CYP2D6: variants seen among roughly 807,000 people sequenced by gnomAD.
The protein encoded by CYP2D6 is cytochrome P450 2D6.
In CYP2D6, 51 loss-of-function variants were observed where a neutral mutation model predicts 43.5. The observed-to-expected ratio is 1.17, with a 90% CI of 0.94 to 1.48. The LOEUF is 1.48. Among genes scored for constraint, CYP2D6 ranks in the 40% most tolerant of loss-of-function variants. CYP2D6 has a pLI of 0.00. For missense variants in CYP2D6, 698 were observed against 688.0 expected (o/e 1.01, Z -0.16); for synonymous variants, 346 against 297.1 (o/e 1.16, Z -1.69).
chr22:42,127,606 C>G lies in CYP2D6; in HGVS notation c.1014G>C (p.Val338=). The G allele has an allele frequency of 6.2e-7, 1 of 1,611,856 alleles. No individual in the cohort carries two copies. The highest frequency in any genetic ancestry group is 1.3e-5 in the African/African-American group (1 of 74,690). The change falls in exon 7 of 9, where the codon GTG becomes GTC. Residue 338 remains valine (V), a synonymous_variant. Transcript: ENST00000645361. ...TCTCTGGTCGCCGCACCTGCCCTAT[C>G]ACGTCGTCGATCTCCTGTTGGACAC... ...QRRVQQEIDD[V]IGQVRRPEMG...
rs749182114 is a variant in CYP2D6, at chr22:42,128,214, G to C, written c.803C>G (p.Pro268Arg). ...HRMTWDPAQP[P>R]RDLTEAFLAE... ...CAGGAAGGCCTCAGTCAGGTCTCGG[G>C]GGGGCTGGGCTGGGTCCCAGGTCAT... The change falls in exon 5 of 9, where the codon CCC (proline) becomes CGC (arginine). Residue 268 changes from proline (P) to arginine (R), a missense_variant. Coordinates refer to ENST00000645361, the MANE Select transcript of CYP2D6 (RefSeq NM_000106.6). 1.6e-5 allele frequency: 26 copies of C among 1,609,690 alleles called. No homozygotes were observed. The highest frequency in any genetic ancestry group is 3.3e-4 in the Middle Eastern group (2 of 6,076).
rs200269944 is a variant in CYP2D6, at chr22:42,129,793, G to A, written c.297C>T (p.Ala99=). 53 of 1,607,424 alleles carry A rather than the reference G, an allele frequency of 3.3e-5. 2 individuals carry two copies. Among genetic ancestry groups the A allele is most frequent in the South Asian group, 9.9e-5 (9 of 90,854 alleles). The change falls in exon 2 of 9, where the codon GCC becomes GCT. Residue 99 remains alanine, a synonymous_variant. Transcript: ENST00000645361. ...GGGTGATGGGCACAGGCGGGCGGTCGGCGGTGTCCTCGCCGTGGGTCACCA... is the reference window on the plus strand; with the variant it reads ...GGGTGATGGGCACAGGCGGGCGGTCAGCGGTGTCCTCGCCGTGGGTCACCA... ...EALVTHGEDT[A]DRPPVPITQI...
Position 42,128,202 on chromosome 22 carries a change from G to A in CYP2D6, c.815C>T (p.Thr272Ile), listed in dbSNP as rs534682262. The change falls in exon 5 of 9, where the codon ACT (threonine) becomes ATT (isoleucine). Residue 272 changes from threonine to isoleucine, a missense_variant. Around this residue, in one of 5 missense-constraint regions of CYP2D6, gnomAD observed 588 missense variants for 521.1 expected, o/e 1.13. Transcript: ENST00000645361. ...WDPAQPPRDL[T>I]EAFLAEMEKA... ...CTCCATCTCTGCCAGGAAGGCCTCA[G>A]TCAGGTCTCGGGGGGGCTGGGCTGG... 4 of 1,609,066 alleles carry A rather than the reference G, an allele frequency of 2.5e-6. No homozygotes were observed. Among genetic ancestry groups the A allele is most frequent in the Admixed American group, 1.7e-5 (1 of 59,628 alleles).
intron 7 of CYP2D6, among the ~76,000 whole-genome samples, chr22:42,127,232 G>A (rs919919160): frequency 6.6e-6 from 1 of 151,592 alleles, no homozygotes; most frequent in Non-Finnish European, 1.5e-5. Flanking sequence ...CATTCTGGCA[G>A]GTCCTGGTTT....
At chr22:42,128,138 A>C in intron 5 of CYP2D6, 36 bp downstream of exon 5, 1 of 1,584,918 alleles carries the variant, frequency 6.3e-7, no homozygotes, top group Non-Finnish European at 8.6e-7. Flanking sequence ...CGCTCAACCC[A>C]CCACCCTTGC....
chr22:42,126,597 C>A lies in CYP2D6; in HGVS notation c.1471G>T (p.Glu491Ter). The change falls in exon 9 of 9, where the codon GAG becomes TAG. Residue 491 changes from glutamate to a stop codon, truncating the protein, a stop_gained. Transcript: ENST00000645361. LOFTEE classifies it high-confidence loss of function. ...FAFLVSPSPY[E>*]LCAVPR ...TTCTAGCGGGGCACAGCACAAAGCT[C>A]ATAGGGGGATGGGCTCACCAGGAAA... 1 of 1,603,786 alleles carries A rather than the reference C, an allele frequency of 6.2e-7. No homozygotes were observed. The highest frequency in any genetic ancestry group is 1.1e-5 in the South Asian group (1 of 90,206).
At chr22:42,129,438 CT>C in intron 2 of CYP2D6, 1 of 753,552 alleles carries the variant, frequency 1.3e-6, no homozygotes, top group Non-Finnish European at 2.3e-6. Flanking sequence ...CCACACTGAG[CT>C]TACAGCACAG....
At chr22:42,130,281 C>G (rs1931868174) in intron 1 of CYP2D6, 2 of 524,104 alleles carry the variant, frequency 3.8e-6, no homozygotes, top group East Asian at 3.0e-5. Flanking sequence ...AAACGGCACT[C>G]AGGACTAACT....
In CYP2D6 at chr22:42,127,543, C is replaced by G; in HGVS notation, c.1077G>C (p.Val359=). The stretch of plus-strand genomic sequence containing the variant: ...CCCCAAAGCGCTGCACCTCATGAAT[C>G]ACGGCAGTGGTGTAGGGCATGTGAG... ...DQAHMPYTTA[V]IHEVQRFGDI... is the part of the protein sequence containing the mutation. The change falls in exon 7 of 9, where the codon GTG becomes GTC. Residue 359 remains valine (V), a synonymous_variant. Coordinates refer to ENST00000645361, the MANE Select transcript of CYP2D6 (RefSeq NM_000106.6). 1.2e-6 allele frequency: 2 copies of G among 1,612,202 alleles called. No homozygotes were observed. The highest frequency in any genetic ancestry group is 1.7e-6 in the Non-Finnish European group (2 of 1,178,720).
chr22:42,130,444 C>T lies in CYP2D6; in HGVS notation c.180+168G>A. The T allele has an allele frequency of 6.1e-6, 5 of 825,292 alleles. 1 individual carries two copies. Among genetic ancestry groups the T allele is most frequent in the Middle Eastern group, 3.4e-4 (1 of 2,958 alleles). 51.1% of individuals were successfully genotyped at this position (825,292 alleles called of 1,614,324 possible). ...ACTCTTCCTTGGCCTTTGGAAAATC[C>T]AGTCCTTCATGCCATGTATAAATGC... On this transcript the variant is annotated intron_variant, in intron 1 of 8. Coordinates refer to ENST00000645361, the MANE Select transcript of CYP2D6 (RefSeq NM_000106.6).
In CYP2D6 at chr22:42,128,114, C is replaced by A. The variant is rs1391978825; in HGVS notation, c.843+60G>T. On this transcript the variant is annotated intron_variant, in intron 5 of 8. Transcript: ENST00000645361. The stretch of plus-strand genomic sequence containing the variant: ...TCCAACCTTTTGCCCAGCCTCCCCT[C>A]ATTCCTCCTGGGACGCTCAACCCAC... The A allele has an allele frequency of 8.9e-6, 14 of 1,579,674 alleles. 1 individual carries two copies. In the East Asian group the frequency reaches 1.8e-4, roughly 21 times the overall value.
chr22:42,129,399 C>T lies in CYP2D6; in HGVS notation c.353-214G>A, dbSNP rs763195292. On this transcript the variant is annotated intron_variant, in intron 2 of 8. Transcript: ENST00000645361. The stretch of plus-strand genomic sequence containing the variant: ...TGCCCACCCTGACCGCCTTTGCACT[C>T]AGGGAAGACCCCGCGGGCCCCGCGC... 201 of 818,780 alleles carry T rather than the reference C, an allele frequency of 2.5e-4. 2 individuals are homozygous for T. In the South Asian group the frequency reaches 2.8e-3, roughly 12 times the overall value. The allele number at this position is 818,780 out of a possible 1,614,324, so 50.7% of individuals were successfully genotyped here.
In CYP2D6 at chr22:42,129,141, G is replaced by C. The variant is rs1230912765; in HGVS notation, c.397C>G (p.Arg133Gly). The change falls in exon 3 of 9, where the codon CGC becomes GGC. Residue 133 changes from arginine (R) to glycine (G), a missense_variant. Transcript: ENST00000645361. ...TTGCGCAAGGTGGACACGGAGAAGC[G>C]CCTCTGCTCGCGCCACGCGGGCCCA... ...RYGPAWREQR[R>G]FSVSTLRNLG... The C allele has an allele frequency of 1.2e-6, 2 of 1,609,310 alleles. No homozygotes were observed. Among genetic ancestry groups the C allele is most frequent in the Non-Finnish European group, 1.7e-6 (2 of 1,178,040 alleles).
At chr22:42,129,997 G>A (rs1931814447) in intron 1 of CYP2D6, 88 bp from the exon 2 acceptor site, 9 of 1,352,594 alleles carry the variant, frequency 6.7e-6, no homozygotes, top group Admixed American at 4.3e-5. Context: ...GACGACCCCC[G>A]GGGCTACCAG....
chr22:42,127,941 G>A lies in CYP2D6; in HGVS notation c.886C>T (p.Arg296Cys), dbSNP rs16947. The A allele has an allele frequency of 0.34, 549,079 of 1,610,098 alleles. 108,422 individuals carry two copies. Among genetic ancestry groups the A allele is most frequent in the African/African-American group, 0.52 (38,638 of 74,054 alleles). The part of the protein sequence containing the change: ...PESSFNDENL[R>C]IVVADLFSAG... Reference sequence around the variant, plus strand: ...GAGAACAGGTCAGCCACCACTATGCGCAGGTTCTCATCATTGAAGCTGCTC... The same window carrying A: ...GAGAACAGGTCAGCCACCACTATGCACAGGTTCTCATCATTGAAGCTGCTC... The change falls in exon 6 of 9, where the codon CGC becomes TGC. Residue 296 changes from arginine to cysteine, a missense_variant. Physicochemically the swap from Arg to Cys is radical, Grantham distance 180. Transcript: ENST00000645361.
Position 42,130,595 on chromosome 22 carries a change from A to C in CYP2D6, c.180+17T>G, listed in dbSNP as rs1300782259. On this transcript the variant is annotated intron_variant, in intron 1 of 8. Coordinates refer to ENST00000645361, the MANE Select transcript of CYP2D6 (RefSeq NM_000106.6). ...AGCCTCAGCACCTCTGCCGCCCTCCAGGACCTCCTCCCTCACCTGGTCGAA... is the reference window on the plus strand; with the variant it reads ...AGCCTCAGCACCTCTGCCGCCCTCCCGGACCTCCTCCCTCACCTGGTCGAA... 1.3e-6 allele frequency: 2 copies of C among 1,572,018 alleles called. No homozygotes were observed. The highest frequency in any genetic ancestry group is 1.7e-6 in the Non-Finnish European group (2 of 1,155,004).
In CYP2D6 at chr22:42,130,805, C is replaced by T. The variant is rs1466453753; in HGVS notation, c.-14G>A. On this transcript the variant is annotated 5_prime_UTR_variant, in exon 1 of 9. Transcript: ENST00000645361. ...TTCTAGCCCCATACCTGCCTCACTA[C>T]CAAATGGGCTCCTCTGGACACACCT... 6.4e-7 allele frequency: 1 copy of T among 1,557,064 alleles called. No individual in the cohort carries two copies. The highest frequency in any genetic ancestry group is 8.7e-7 in the Non-Finnish European group (1 of 1,149,460).
chr22:42,129,740 T>G lies in CYP2D6; in HGVS notation c.350A>C (p.Gln117Pro). The change falls in exon 2 of 9, where the codon CAA becomes CCA. Residue 117 changes from glutamine to proline, a missense_variant and splice_region_variant. Gln to Pro is a moderately conservative substitution (Grantham distance 76). Transcript: ENST00000645361. ...TQILGFGPRS[Q>P]GVFLARYGPA... The stretch of plus-strand genomic sequence containing the variant: ...TCTCTGTCCCCACCGCTGCTTGCCT[T>G]GGGAACGCGGCCCGAAACCCAGGAT... 1 of 1,609,840 alleles carries G rather than the reference T, an allele frequency of 6.2e-7. No homozygotes were observed. The highest frequency in any genetic ancestry group is 8.5e-7 in the Non-Finnish European group (1 of 1,178,124).
At position 42,129,264 on chromosome 22, in the gene CYP2D6, C is replaced by T. The variant is rs138098289; in HGVS notation, c.353-79G>A. ...CCACCACCCACTCCAACCCTATGCT[C>T]CCCCTGGTCTCCCGCAGTCCCTGGC... On this transcript the variant is annotated intron_variant, in intron 2 of 8. Coordinates refer to ENST00000645361, the MANE Select transcript of CYP2D6 (RefSeq NM_000106.6). The T allele has an allele frequency of 6.5e-5, 99 of 1,521,904 alleles. No homozygotes were observed. The East Asian group carries it at 2.1e-3, about 32-fold the overall frequency. 94.3% of individuals were successfully genotyped at this position (1,521,904 alleles called of 1,614,324 possible). A position where few individuals can be genotyped will look rare whatever the true frequency, so the allele number is the denominator to read the frequency against.
Sources: gnomAD v4.1 joint callset for allele counts (sites outside exome capture counted in the v4.1 genomes callset) on GRCh38, gnomAD v4.1.1 for gene constraint, gnomAD v4.1.1 regional missense constraint, MANE v1.5 for transcripts, NCBI Gene and HGNC (gene_info 2026-07-23, HGNC 2026-07-21) for gene names.